The following VAV2 variants were observed in gnomAD, a reference collection of about 807,000 sequenced individuals.
VAV2 encodes the protein guanine nucleotide exchange factor VAV2.
Under a neutral mutation model 132.5 loss-of-function variants are expected in VAV2, and 67 were observed. That is an observed-to-expected ratio of 0.51 (90% CI 0.42 to 0.62). The LOEUF (loss-of-function observed/expected upper bound fraction) is 0.62. Among genes scored for constraint, VAV2 ranks in the 20% least tolerant of loss-of-function variants. The pLI is 0.00. For missense variants in VAV2, 938 were observed against 1,153.6 expected (o/e 0.81, Z 2.71); for synonymous variants, 492 against 443.5 (o/e 1.11, Z -1.37).
At chr9:133,930,273 C>G (rs1215351578) in intron 2 of VAV2, among the ~76,000 whole-genome samples, 1 of 151,104 alleles carries the variant, frequency 6.6e-6, no homozygotes, top group East Asian at 2.0e-4. Context: ...TCACTACCCT[C>G]CCTGCCTCCA....
chr9:133,846,177 G>A (rs930831423), intron 3 of VAV2, among the ~76,000 whole-genome samples: 2 of 152,208 alleles, frequency 1.3e-5, no homozygotes, highest in African/African-American at 4.8e-5. Flanking sequence ...GCCCAAGGAG[G>A]CCAGCCAGAA....
chr9:133,925,073 G>T (rs1294040038), intron 2 of VAV2, among the ~76,000 whole-genome samples: 1 of 152,246 alleles, frequency 6.6e-6, no homozygotes, highest in Non-Finnish European at 1.5e-5. Context: ...GATGGGGCAA[G>T]AGGAAATGGG....
chr9:133,820,980 G>T (rs915917336), intron 4 of VAV2, among the ~76,000 whole-genome samples: 2 of 152,212 alleles, frequency 1.3e-5, no homozygotes, highest in African/African-American at 4.8e-5. Flanking sequence ...CAATCCCACA[G>T]GGGAGGGGCC....
At chr9:133,796,309 AC>A in intron 11 of VAV2, 119 bp downstream of exon 11, 2 of 770,804 alleles carry the variant, frequency 2.6e-6, no homozygotes, top group East Asian at 5.4e-5. Context: ...GCATGAACTG[AC>A]TTGTCTATAT....
At chr9:133,931,625 G>C (rs1245599518) in intron 2 of VAV2, among the ~76,000 whole-genome samples, 2 of 152,344 alleles carry the variant, frequency 1.3e-5, no homozygotes, top group Middle Eastern at 3.4e-3. Context: ...CAAAGGGAGA[G>C]AGCAACAGCA....
chr9:133,764,684 G>A (rs939735435), intron 29 of VAV2, among the ~76,000 whole-genome samples: 1 of 152,152 alleles, frequency 6.6e-6, no homozygotes, highest in Admixed American at 6.5e-5. Context: ...TGTAAGACAG[G>A]TCACCAGAAA....
chr9:133,925,469 C>T (rs1193365697), intron 2 of VAV2, among the ~76,000 whole-genome samples: 1 of 152,202 alleles, frequency 6.6e-6, no homozygotes, highest in South Asian at 2.1e-4. Context: ...CCACCTGCCT[C>T]GGCTTCCCAA....
chr9:133,868,746 C>T (rs1008196978), intron 2 of VAV2, among the ~76,000 whole-genome samples: 1 of 152,238 alleles, frequency 6.6e-6, no homozygotes, highest in Non-Finnish European at 1.5e-5. Context: ...CCTATCCCTG[C>T]AGCCCCACAG....
chr9:133,933,627 G>A (rs1229191698), intron 2 of VAV2, among the ~76,000 whole-genome samples: 1 of 151,142 alleles, frequency 6.6e-6, no homozygotes, highest in African/African-American at 2.4e-5. Flanking sequence ...ATGAGTGGGT[G>A]GATGGATGGA....
chr9:133,849,371 C>A (rs1337208887), intron 3 of VAV2, among the ~76,000 whole-genome samples: 1 of 152,156 alleles, frequency 6.6e-6, no homozygotes, highest in African/African-American at 2.4e-5. Context: ...GATGCCAGGG[C>A]TACGTTAAGA....
At chr9:133,779,003 C>G in intron 21 of VAV2, 114 bp from the exon 22 acceptor site, 1 of 1,377,040 alleles carries the variant, frequency 7.3e-7, no homozygotes. Context: ...GCACACACAG[C>G]CTTGCGCCTG....
At chr9:133,981,974 C>T (rs1288101645) in intron 1 of VAV2, among the ~76,000 whole-genome samples, 1 of 152,244 alleles carries the variant, frequency 6.6e-6, no homozygotes, top group African/African-American at 2.4e-5. Flanking sequence ...GCTGTTGGAC[C>T]AGCCCCTGCC....
intron 4 of VAV2, among the ~76,000 whole-genome samples, chr9:133,830,014 GA>G (rs1836203161): frequency 6.6e-6 from 1 of 152,130 alleles, no homozygotes; most frequent in Non-Finnish European, 1.5e-5. Flanking sequence ...GCTGACGATG[GA>G]ATGAACGATG....
chr9:133,790,993 T>A (rs1834434774), intron 13 of VAV2, among the ~76,000 whole-genome samples: 1 of 151,628 alleles, frequency 6.6e-6, no homozygotes, highest in Non-Finnish European at 1.5e-5. Flanking sequence ...GGGGTGGGGG[T>A]GCTACTGGTG....
At position 133,905,502 on chromosome 9, in the gene VAV2, G is replaced by A. The variant is rs117284439; in HGVS notation, c.321+33601C>T. On this transcript the variant is annotated intron_variant, in intron 2 of 29. Transcript: ENST00000371850. ...CTGGGTCAGGGAGGGGCCTACCAAG[G>A]ACATGATGCCATCCTGAGCCCAACA... 8.9e-4 allele frequency among the ~76,000 whole-genome samples: 135 copies of A among 151,640 alleles called. 1 individual carries two copies. Among genetic ancestry groups the A allele is most frequent in the Non-Finnish European group, 1.5e-3 (105 of 67,948 alleles).
chr9:133,811,643 CAT>C (rs1835361984), intron 5 of VAV2, among the ~76,000 whole-genome samples: 1 of 152,234 alleles, frequency 6.6e-6, no homozygotes, highest in Admixed American at 6.5e-5. Context: ...ATCCTCCAAA[CAT>C]AAAAGACGCA....
At position 133,809,147 on chromosome 9, in the gene VAV2, G is replaced by T; in HGVS notation, c.568-9C>A. The T allele has an allele frequency of 6.2e-7, 1 of 1,613,222 alleles. No homozygotes were observed. Among genetic ancestry groups the T allele is most frequent in the East Asian group, 2.2e-5 (1 of 44,868 alleles). On this transcript the variant is annotated splice_polypyrimidine_tract_variant and intron_variant, in intron 6 of 29. Transcript: ENST00000371850. Reference sequence around the variant, plus strand: ...TCAGTCATGCCCATTTTCTAGAGGAGGGAAGGGGGAGTCAGCAGGACCCCA... The same window carrying T: ...TCAGTCATGCCCATTTTCTAGAGGATGGAAGGGGGAGTCAGCAGGACCCCA...
At chr9:133,766,751 TATAA>T (rs1225645947) in intron 29 of VAV2, among the ~76,000 whole-genome samples, 4 of 67,382 alleles carry the variant, frequency 5.9e-5, no homozygotes, top group African/African-American at 1.9e-4. Context: ...GAACTTAAAG[TATAA>T]ATAAATATAT....
intron 2 of VAV2, among the ~76,000 whole-genome samples, chr9:133,873,207 A>T (rs62576553): frequency 1.3e-5 from 2 of 152,070 alleles, no homozygotes; most frequent in Non-Finnish European, 2.9e-5. Context: ...CATGTGAGGG[A>T]AGCTGCAATT....
Sources: gnomAD v4.1 joint callset for allele counts (sites outside exome capture counted in the v4.1 genomes callset) on GRCh38, gnomAD v4.1.1 for gene constraint, MANE v1.5 for transcripts, NCBI Gene and HGNC (gene_info 2026-07-23, HGNC 2026-07-21) for gene names.